TOX: variants seen among roughly 807,000 people sequenced by gnomAD.
The protein encoded by TOX is thymocyte selection-associated high mobility group box protein TOX.
A neutral mutation model predicts 53.7 loss-of-function variants in TOX; 11 were observed. That is an observed-to-expected ratio of 0.20 (90% CI 0.13 to 0.34). The LOEUF is 0.34. TOX is among the 10% of genes least tolerant of loss of function. The pLI is 1.00. For missense variants in TOX, 570 were observed against 664.6 expected (o/e 0.86, Z 1.56); for synonymous variants, 225 against 245.3 (o/e 0.92, Z 0.77).
intron 1 of TOX, among the ~76,000 whole-genome samples, chr8:59,067,621 C>G (rs1221440401): frequency 1.3e-5 from 2 of 151,970 alleles, no homozygotes; most frequent in East Asian, 1.9e-4. Context: ...ATTATTATTT[C>G]TAAACATATT....
chr8:58,848,459 A>T (rs952113893), intron 4 of TOX, among the ~76,000 whole-genome samples: 8 of 152,264 alleles, frequency 5.3e-5, no homozygotes, highest in Middle Eastern at 3.4e-3. Flanking sequence ...CGAAATTTAT[A>T]AGAGACACTC....
chr8:58,979,615 TA>T (rs1442358132), intron 1 of TOX, among the ~76,000 whole-genome samples: 2 of 152,234 alleles, frequency 1.3e-5, no homozygotes, highest in Non-Finnish European at 2.9e-5. Context: ...GCATTCAAGC[TA>T]TATTTCTCAC....
At chr8:58,913,752 A>C (rs1811949528) in intron 3 of TOX, among the ~76,000 whole-genome samples, 1 of 132,630 alleles carries the variant, frequency 7.5e-6, no homozygotes, top group Non-Finnish European at 1.7e-5. Context: ...TGGAAGTATA[A>C]GAATGTTTTA....
At chr8:58,922,576 A>T (rs1812091444) in intron 3 of TOX, among the ~76,000 whole-genome samples, 1 of 152,126 alleles carries the variant, frequency 6.6e-6, no homozygotes, top group Non-Finnish European at 1.5e-5. Flanking sequence ...AAAACACCAG[A>T]TATATATGTG....
intron 3 of TOX, among the ~76,000 whole-genome samples, chr8:58,890,035 TG>T (rs1811534215): frequency 6.6e-6 from 1 of 152,180 alleles, no homozygotes; most frequent in Admixed American, 6.6e-5. Flanking sequence ...AAAATTATTT[TG>T]GTGGGAAATC....
rs568446577 is a variant in TOX, at chr8:59,042,819, T to C, written c.102+76067A>G. ...TTATCTTGAGAGTGTTCTTTTATAT[T>C]GTAAATTAGTAATTTATAATTGTAT... is the stretch of plus-strand genomic sequence containing the variant. On this transcript the variant is annotated intron_variant, in intron 1 of 8. Coordinates refer to ENST00000361421, the MANE Select transcript of TOX (RefSeq NM_014729.3). Among the ~76,000 whole-genome samples, 3 of 152,338 alleles carry C rather than the reference T, an allele frequency of 2.0e-5. No individual in the cohort carries two copies. In the East Asian group the frequency reaches 5.8e-4, roughly 29 times the overall value.
intron 1 of TOX, among the ~76,000 whole-genome samples, chr8:58,977,430 T>C (rs1017864877): frequency 1.3e-5 from 2 of 152,208 alleles, no homozygotes; most frequent in African/African-American, 4.8e-5. Flanking sequence ...ACCAAAACTT[T>C]CTCTACATCA....
At chr8:59,068,614 GTTAAT>G (rs1351320263) in intron 1 of TOX, among the ~76,000 whole-genome samples, 1 of 152,176 alleles carries the variant, frequency 6.6e-6, no homozygotes, top group Non-Finnish European at 1.5e-5. Flanking sequence ...TACAGGTTTT[GTTAAT>G]TTAATCTTTA....
chr8:58,948,662 G>A (rs1354628555), intron 2 of TOX, among the ~76,000 whole-genome samples: 2 of 152,202 alleles, frequency 1.3e-5, no homozygotes, highest in African/African-American at 2.4e-5. Context: ...GGTAACTGAA[G>A]TATTTAATTT....
intron 3 of TOX, among the ~76,000 whole-genome samples, chr8:58,870,232 G>T (rs1054649904): frequency 6.6e-6 from 1 of 152,028 alleles, no homozygotes; most frequent in East Asian, 1.9e-4. Flanking sequence ...CAAGTATGGA[G>T]GATATAAGGC....
intron 5 of TOX, among the ~76,000 whole-genome samples, chr8:58,836,123 G>T (rs1006530145): frequency 1.3e-5 from 2 of 152,208 alleles, no homozygotes; most frequent in Admixed American, 6.5e-5. Context: ...TACTGGAGGA[G>T]ACAGCGAGCT....
At chr8:58,955,796 G>A (rs530819474) in intron 2 of TOX, among the ~76,000 whole-genome samples, 13 of 149,734 alleles carry the variant, frequency 8.7e-5, no homozygotes, top group Non-Finnish European at 1.0e-4. Context: ...GTGCAGTGGC[G>A]TGATCTTGGC....
chr8:59,080,318 T>A (rs1414164717), intron 1 of TOX, among the ~76,000 whole-genome samples: 1 of 152,116 alleles, frequency 6.6e-6, no homozygotes, highest in Non-Finnish European at 1.5e-5. Flanking sequence ...CCTTTTGGAA[T>A]GGGAATATTT....
intron 3 of TOX, among the ~76,000 whole-genome samples, chr8:58,912,383 C>A (rs981334363): frequency 5.3e-5 from 8 of 152,214 alleles, no homozygotes; most frequent in African/African-American, 1.4e-4. Context: ...AAACTCTGCG[C>A]ATGATTCTTT....
At chr8:58,865,847 TG>T (rs60773483) in intron 3 of TOX, among the ~76,000 whole-genome samples, 3,488 of 120,274 alleles carry the variant, frequency 0.029, 267 homozygotes, top group African/African-American at 0.081. Context: ...TTTTTTTTTT[TG>T]TCCTGAGACA....
chr8:58,977,909 T>C (rs1813133724), intron 1 of TOX, among the ~76,000 whole-genome samples: 1 of 152,098 alleles, frequency 6.6e-6, no homozygotes, highest in Admixed American at 6.5e-5. Context: ...AAGTTTGAAA[T>C]GTGAGAATTA....
At chr8:58,871,314 T>C (rs2129170009) in intron 3 of TOX, among the ~76,000 whole-genome samples, 1 of 152,258 alleles carries the variant, frequency 6.6e-6, no homozygotes, top group Non-Finnish European at 1.5e-5. Flanking sequence ...TTATTCCGTA[T>C]GATACTGTAA....
At chr8:58,888,178 G>A (rs1811503923) in intron 3 of TOX, among the ~76,000 whole-genome samples, 1 of 152,090 alleles carries the variant, frequency 6.6e-6, no homozygotes, top group African/African-American at 2.4e-5. Flanking sequence ...ACTGTTGACT[G>A]AAATGTCATT....
At chr8:59,050,870 C>A (rs1803776895) in intron 1 of TOX, among the ~76,000 whole-genome samples, 1 of 152,140 alleles carries the variant, frequency 6.6e-6, no homozygotes, top group Non-Finnish European at 1.5e-5. Flanking sequence ...ATATAGAAAT[C>A]TCTGCAGTAA....
Sources: gnomAD v4.1 joint callset for allele counts (sites outside exome capture counted in the v4.1 genomes callset) on GRCh38, gnomAD v4.1.1 for gene constraint, MANE v1.5 for transcripts, NCBI Gene and HGNC (gene_info 2026-07-23, HGNC 2026-07-21) for gene names.